The following PHKA2 variants were observed in gnomAD, a reference collection of about 807,000 sequenced individuals.
PHKA2 encodes the protein phosphorylase b kinase regulatory subunit alpha, liver isoform.
In PHKA2, 31 loss-of-function variants were observed where a neutral mutation model predicts 102.0. The ratio of observed to expected loss-of-function variants is 0.30; its 90% CI spans 0.23 to 0.41. PHKA2 has a LOEUF of 0.41. Ranked by LOEUF, PHKA2 falls within the 10% of genes least tolerant of loss-of-function variation. The pLI is 1.00. For synonymous variants in PHKA2, 455 were observed against 416.2 expected (o/e 1.09, Z -1.13); for missense variants, 858 against 1,023.1 (o/e 0.84, Z 2.20).
intron 21 of PHKA2, among the ~76,000 whole-genome samples, chrX:18,908,406 A>G (rs998263845): frequency 1.8e-5 from 2 of 112,151 alleles, no homozygotes; most frequent in Admixed American, 1.9e-4. Flanking sequence ...ATTAAGGAGA[A>G]CTGAGAAAGC....
At chrX:18,908,204 A>C in intron 21 of PHKA2, 148 bp from the exon 22 acceptor site, 2 of 590,245 alleles carry the variant, frequency 3.4e-6, no homozygotes, top group Non-Finnish European at 5.8e-6. Flanking sequence ...AAGCTTCCCT[A>C]TGTCCTTTGA....
intron 19 of PHKA2, among the ~76,000 whole-genome samples, chrX:18,917,715 G>C (rs761340869): frequency 9.9e-5 from 11 of 111,012 alleles, no homozygotes; most frequent in Non-Finnish European, 1.5e-4. Context: ...ATTAAAATAA[G>C]AGTGAACCAA....
chrX:18,926,656 T>C, intron 13 of PHKA2, 69 bp from the exon 14 acceptor site: 8 of 1,026,076 alleles, frequency 7.8e-6, no homozygotes, highest in Admixed American at 2.2e-5. Context: ...ACGTGTTCCT[T>C]ACTGCCCTCT....
chrX:18,973,253 C>T (rs1161720774), intron 1 of PHKA2, among the ~76,000 whole-genome samples: 5 of 111,910 alleles, frequency 4.5e-5, no homozygotes, highest in Admixed American at 3.8e-4. Flanking sequence ...GATCCATCCG[C>T]CTCGGCCTCC....
At position 18,946,181 on chromosome X, in the gene PHKA2, G is replaced by A. The variant is rs1399635858; in HGVS notation, c.538-1023C>T. On this transcript the variant is annotated intron_variant, in intron 5 of 32. Transcript: ENST00000379942. ...GACCTCAGGTGATCCACCTGTCCCA[G>A]CCTCCCAAAGTGCTGGGATTACAGG... 1.4e-4 allele frequency among the ~76,000 whole-genome samples: 15 copies of A among 111,043 alleles called. No homozygotes were observed. The South Asian group carries it at 1.9e-3, about 14-fold the overall frequency.
chrX:18,907,615 AAGAG>A (rs775857284), intron 22 of PHKA2, among the ~76,000 whole-genome samples: 1 of 111,618 alleles, frequency 9.0e-6, no homozygotes, highest in African/African-American at 3.3e-5. Flanking sequence ...GTGTGAAAAA[AAGAG>A]AGCTCTAAGA....
chrX:18,948,499 T>C (rs2048623365), intron 5 of PHKA2, among the ~76,000 whole-genome samples: 2 of 110,522 alleles, frequency 1.8e-5, no homozygotes, highest in Non-Finnish European at 3.8e-5. Flanking sequence ...ACAAAATAAA[T>C]AAAAAAATAT....
chrX:18,939,682 A>C (rs909370377), intron 9 of PHKA2, among the ~76,000 whole-genome samples: 2 of 111,082 alleles, frequency 1.8e-5, no homozygotes, highest in African/African-American at 6.6e-5. Flanking sequence ...TTTAGTAGAG[A>C]TGGGGTTTCA....
intron 26 of PHKA2, among the ~76,000 whole-genome samples, chrX:18,902,337 A>C (rs996876421): frequency 9.5e-6 from 1 of 104,841 alleles, no homozygotes; most frequent in Non-Finnish European, 2.0e-5. Flanking sequence ...GGGTTTTGCC[A>C]TGTTGCCCAG....
chrX:18,930,927 C>T (rs1350558332), intron 12 of PHKA2, among the ~76,000 whole-genome samples: 1 of 111,181 alleles, frequency 9.0e-6, no homozygotes, highest in East Asian at 2.8e-4. Flanking sequence ...CTTCCCTGGG[C>T]TCCTTCCCCT....
Position 18,983,973 on chromosome X carries a change from T to C in PHKA2, c.-41A>G, listed in dbSNP as rs762670984. ...AGGCCGCAGCGCCCGATCTGCCGCGTGGGCGCGGGACGTCGGGGCTGTGGC... is the reference window on the plus strand; with the variant it reads ...AGGCCGCAGCGCCCGATCTGCCGCGCGGGCGCGGGACGTCGGGGCTGTGGC... On this transcript the variant is annotated 5_prime_UTR_variant, in exon 1 of 33. Transcript: ENST00000379942. 1 of 1,112,798 alleles carries C rather than the reference T, an allele frequency of 9.0e-7. No individual in the cohort carries two copies. The highest frequency in any genetic ancestry group is 1.2e-6 in the Non-Finnish European group (1 of 805,641). The allele number at this position is 1,112,798 out of a possible 1,213,427, so 91.7% of individuals were successfully genotyped here. A position where few individuals can be genotyped will look rare whatever the true frequency, so the allele number is the denominator to read the frequency against.
Position 18,894,249 on chromosome X carries a change from C to A in PHKA2, c.3492G>T (p.Val1164=), listed in dbSNP as rs754254758. 1 of 1,211,956 alleles carries A rather than the reference C, an allele frequency of 8.3e-7. No individual in the cohort carries two copies. The highest frequency in any genetic ancestry group is 2.3e-4 in the Middle Eastern group (1 of 4,351). Residue 1164 remains valine, a synonymous_variant, in exon 32 of 33, where the codon GTG becomes GTT. Coordinates refer to ENST00000379942, the MANE Select transcript of PHKA2 (RefSeq NM_000292.3). ...GACTGGCCATCTGCACGATCTGGTC[C>A]ACGTGGATGATGCCCCCGATGCTGG... ...EMTSIGGIIH[V]DQIVQMASQL... is the part of the protein sequence containing the mutation.
chrX:18,912,094 G>A (rs1345268631), intron 19 of PHKA2, among the ~76,000 whole-genome samples: 1 of 112,330 alleles, frequency 8.9e-6, no homozygotes, highest in African/African-American at 3.2e-5. Context: ...AGGAGAACAA[G>A]AAGTTTTCAA....
At chrX:18,913,716 G>A (rs1336023303) in intron 19 of PHKA2, among the ~76,000 whole-genome samples, 1 of 111,790 alleles carries the variant, frequency 8.9e-6, no homozygotes, top group Non-Finnish European at 1.9e-5. Context: ...TTTTCTTTAC[G>A]TCCTTATTCT....
chrX:18,978,723 T>A (rs763997206), intron 1 of PHKA2, among the ~76,000 whole-genome samples: 1 of 110,045 alleles, frequency 9.1e-6, no homozygotes, highest in South Asian at 3.8e-4. Flanking sequence ...AAAAAAAAAT[T>A]AAAATAAAAA....
At chrX:18,949,486 C>G (rs946229076) in intron 4 of PHKA2, among the ~76,000 whole-genome samples, 1 of 111,294 alleles carries the variant, frequency 9.0e-6, no homozygotes, top group South Asian at 3.8e-4. Context: ...ATATCTAACT[C>G]TCAGAAGGAA....
intron 13 of PHKA2, among the ~76,000 whole-genome samples, chrX:18,928,462 T>C (rs998210833): frequency 1.6e-4 from 18 of 112,429 alleles, no homozygotes; most frequent in African/African-American, 5.5e-4. Flanking sequence ...AAGAATGATA[T>C]AGGCCTTGTC....
At chrX:18,909,030 T>C (rs1269470145) in intron 20 of PHKA2, 96 bp from the exon 21 acceptor site, 14 of 1,074,416 alleles carry the variant, frequency 1.3e-5, no homozygotes, top group Non-Finnish European at 1.7e-5. Flanking sequence ...TGGAACTCTA[T>C]TGCTGTGCTG....
chrX:18,981,115 C>T (rs770837776), intron 1 of PHKA2, among the ~76,000 whole-genome samples: 2 of 110,822 alleles, frequency 1.8e-5, no homozygotes, highest in South Asian at 3.8e-4. Flanking sequence ...AGTGCTCATT[C>T]GTTTTTCTAG....
Sources: allele counts gnomAD v4.1 joint callset (sites outside exome capture counted in the v4.1 genomes callset), GRCh38; gene constraint gnomAD v4.1.1; transcripts MANE v1.5; gene names NCBI Gene and HGNC (gene_info 2026-07-23, HGNC 2026-07-21).